The following ZNF680 variants were observed in gnomAD, a reference collection of about 807,000 sequenced individuals.
The protein encoded by ZNF680 is zinc finger protein 680.
ZNF680 carries 6 observed loss-of-function variants against 12.1 expected under a neutral mutation model. That is an observed-to-expected ratio of 0.49 (90% CI 0.27 to 0.98). The LOEUF is 0.98. Ranked by LOEUF, ZNF680 falls within the 50% of genes least tolerant of loss-of-function variation. The probability of loss-of-function intolerance (pLI) is 0.12; values close to 1 mark genes in which losing one functional copy is unlikely to be tolerated. For synonymous variants in ZNF680, 170 were observed against 199.3 expected, an observed-to-expected ratio of 0.85 and a Z score of 1.24; for missense variants, 561 against 616.3, an observed-to-expected ratio of 0.91 and a Z score of 0.95.
At chr7:64,527,113 C>T (rs541612830) in intron 3 of ZNF680, among the ~76,000 whole-genome samples, 7 of 152,216 alleles carry the variant, frequency 4.6e-5, no homozygotes, top group Non-Finnish European at 8.8e-5. Context: ...TGGCAGGTGC[C>T]GGTAATTCCA....
In ZNF680 at chr7:64,563,062, A is replaced by T; in HGVS notation, c.-108T>A. 7.5e-7 allele frequency: 1 copy of T among 1,334,290 alleles called. No homozygotes were observed. Among genetic ancestry groups the T allele is most frequent in the Non-Finnish European group, 1.1e-6 (1 of 943,052 alleles). The allele number at this position is 1,334,290 out of a possible 1,614,324, so 82.7% of individuals were successfully genotyped here. ...AGACTAGACCTGGAGCTCCCGCAGC[A>T]GCTAGAGACAAAGGCCCCGCCAAAT... On this transcript the variant is annotated 5_prime_UTR_variant, in exon 1 of 4. Coordinates refer to ENST00000309683, the MANE Select transcript of ZNF680 (RefSeq NM_178558.5).
the ZNF680 span, among the ~76,000 whole-genome samples, chr7:64,508,515 A>C: frequency 6.6e-6 from 1 of 152,178 alleles, no homozygotes. Flanking sequence ...AATTTCCTGT[A>C]CACTCGCTAC....
chr7:64,521,879 T>C lies in ZNF680; in HGVS notation c.875A>G (p.Lys292Arg), dbSNP rs557532409. 3 of 1,613,454 alleles carry C rather than the reference T, an allele frequency of 1.9e-6. No individual in the cohort carries two copies. Among genetic ancestry groups the C allele is most frequent in the African/African-American group, 1.3e-5 (1 of 75,032 alleles). The change falls in exon 4 of 4, where the codon AAA (lysine) becomes AGA (arginine). Residue 292 changes from lysine to arginine, a missense_variant. By Grantham distance (26) the Lys-to-Arg change is conservative. Coordinates refer to ENST00000309683, the MANE Select transcript of ZNF680 (RefSeq NM_178558.5). ...SKHKIIHTGD[K>R]PYKCDECHKA... ...GTGACATTCATCACATTTGTAAGGTTTGTCTCCAGTATGAATTATCTTATG... is the reference window on the plus strand; with the variant it reads ...GTGACATTCATCACATTTGTAAGGTCTGTCTCCAGTATGAATTATCTTATG...
chr7:64,542,848 G>A (rs1383746027), intron 3 of ZNF680, among the ~76,000 whole-genome samples: 1 of 152,072 alleles, frequency 6.6e-6, no homozygotes, highest in African/African-American at 2.4e-5. Context: ...ATAGGAACCT[G>A]CCACCATGCC....
At chr7:64,532,493 T>G (rs1460796283) in intron 3 of ZNF680, among the ~76,000 whole-genome samples, 1 of 152,062 alleles carries the variant, frequency 6.6e-6, no homozygotes, top group Admixed American at 6.6e-5. Context: ...CCTCCTACCC[T>G]GAACAGACCA....
At chr7:64,509,897 G>C in the ZNF680 span, among the ~76,000 whole-genome samples, 13 of 151,862 alleles carry the variant, frequency 8.6e-5, no homozygotes, top group Admixed American at 8.5e-4. Flanking sequence ...TCACACAAAA[G>C]GGAGAAAAGG....
chr7:64,505,507 TGAG>T, the ZNF680 span, among the ~76,000 whole-genome samples: 2 of 152,226 alleles, frequency 1.3e-5, no homozygotes, highest in African/African-American at 4.8e-5. Context: ...ATTTTTGTAA[TGAG>T]TAGTGTAAAA....
At chr7:64,516,750 T>C (rs956556166), downstream of ZNF680, among the ~76,000 whole-genome samples, 3 of 152,016 alleles carry the variant, frequency 2.0e-5, no homozygotes, top group African/African-American at 7.2e-5. Context: ...TTTAAGAAAA[T>C]TGAAATGATA....
At chr7:64,540,290 T>C (rs1786429433) in intron 3 of ZNF680, among the ~76,000 whole-genome samples, 1 of 145,128 alleles carries the variant, frequency 6.9e-6, no homozygotes, top group Non-Finnish European at 1.5e-5. Context: ...GATAGACATA[T>C]GGCTGATTTA....
At chr7:64,556,973 G>A (rs187576819) in intron 1 of ZNF680, among the ~76,000 whole-genome samples, 6 of 152,318 alleles carry the variant, frequency 3.9e-5, no homozygotes, top group Non-Finnish European at 5.9e-5. Context: ...AAGGCGGGAC[G>A]GGTACAGTGG....
At chr7:64,518,857 G>C (rs1217810196), downstream of ZNF680, among the ~76,000 whole-genome samples, 1 of 151,976 alleles carries the variant, frequency 6.6e-6, no homozygotes, top group East Asian at 1.9e-4. Context: ...ATAGACATAA[G>C]ACATAAATCT....
intron 1 of ZNF680, among the ~76,000 whole-genome samples, chr7:64,550,682 G>A (rs2116519632): frequency 6.6e-6 from 1 of 152,288 alleles, no homozygotes; most frequent in East Asian, 1.9e-4. Context: ...GTTGATTGCT[G>A]CCCTGTGAAA....
intron 1 of ZNF680, among the ~76,000 whole-genome samples, chr7:64,561,792 A>G (rs1356848104): frequency 2.0e-5 from 3 of 150,996 alleles, no homozygotes; most frequent in African/African-American, 2.4e-5. Context: ...AAAATTAGCC[A>G]GGCGTGGTGG....
the ZNF680 span, among the ~76,000 whole-genome samples, chr7:64,508,141 A>AC: frequency 7.5e-6 from 1 of 133,072 alleles, no homozygotes; most frequent in Non-Finnish European, 1.6e-5. Flanking sequence ...ATATATATAT[A>AC]TACATAATTT....
At chr7:64,562,868 C>G in intron 1 of ZNF680, 57 bp downstream of exon 1, 1 of 1,607,922 alleles carries the variant, frequency 6.2e-7, no homozygotes, top group Non-Finnish European at 8.5e-7. Flanking sequence ...ACAGCCACTT[C>G]CGACCGGTTC....
chr7:64,507,824 AACACACACACACACACACACAC>A, the ZNF680 span, among the ~76,000 whole-genome samples: 2,308 of 136,492 alleles, frequency 0.017, 27 homozygotes, highest in Admixed American at 0.025. Flanking sequence ...AATTCCAGGA[AACACACACACACACACACACAC>A]ACACACACAC....
intron 1 of ZNF680, among the ~76,000 whole-genome samples, chr7:64,547,851 A>C (rs1042551481): frequency 6.6e-6 from 1 of 152,224 alleles, no homozygotes. Flanking sequence ...GCCCTAAAAT[A>C]AATATTTTTC....
chr7:64,557,237 C>T (rs1400221060), intron 1 of ZNF680, among the ~76,000 whole-genome samples: 4 of 148,420 alleles, frequency 2.7e-5, no homozygotes, highest in African/African-American at 5.0e-5. Context: ...GGCGACAGAG[C>T]GAGACACTGT....
Position 64,532,157 on chromosome 7 carries a change from T to C in ZNF680, c.254-9657A>G, listed in dbSNP as rs562082780. 4.0e-5 allele frequency among the ~76,000 whole-genome samples: 6 copies of C among 151,876 alleles called. No individual in the cohort carries two copies. In the East Asian group the frequency reaches 7.8e-4, roughly 20 times the overall value. The stretch of plus-strand genomic sequence containing the variant: ...CATCTCTACTAAAAATACAAAAAAT[T>C]AGCCGGGCATGGTGGTGGGCACCTG... On this transcript the variant is annotated intron_variant, in intron 3 of 3. Coordinates refer to ENST00000309683, the MANE Select transcript of ZNF680 (RefSeq NM_178558.5).
Sources: gnomAD v4.1 joint callset for allele counts (sites outside exome capture counted in the v4.1 genomes callset) on GRCh38, gnomAD v4.1.1 for gene constraint, MANE v1.5 for transcripts, NCBI Gene and HGNC (gene_info 2026-07-23, HGNC 2026-07-21) for gene names.